The following MLLT3 variants were observed in gnomAD, a reference collection of about 807,000 sequenced individuals.
MLLT3 encodes protein AF-9.
Under a neutral mutation model 53.2 loss-of-function variants are expected in MLLT3, and 4 were observed. That is an observed-to-expected ratio of 0.08 (90% confidence interval 0.04 to 0.17). MLLT3 has a LOEUF of 0.17. MLLT3 is among the 10% of genes least tolerant of loss of function. MLLT3 has a pLI of 1.00. For missense variants in MLLT3, 569 were observed against 684.0 expected, an observed-to-expected ratio of 0.83 and a Z score of 1.87; for synonymous variants, 283 against 230.6, an observed-to-expected ratio of 1.23 and a Z score of -2.06.
intron 4 of MLLT3, among the ~76,000 whole-genome samples, chr9:20,431,678 C>G (rs191763591): frequency 1.3e-5 from 2 of 152,092 alleles, no homozygotes; most frequent in African/African-American, 4.8e-5. Context: ...CATGGGTATA[C>G]TAGACATATG....
At chr9:20,519,128 A>T (rs1817990710) in intron 2 of MLLT3, among the ~76,000 whole-genome samples, 1 of 152,226 alleles carries the variant, frequency 6.6e-6, no homozygotes, top group Non-Finnish European at 1.5e-5. Flanking sequence ...TAAAATAAAT[A>T]TTTGCTAAAT....
At chr9:20,525,250 A>G (rs1245086685) in intron 2 of MLLT3, among the ~76,000 whole-genome samples, 1 of 152,026 alleles carries the variant, frequency 6.6e-6, no homozygotes. Context: ...TAATCCCAGC[A>G]CTTTGGGAGG....
chr9:20,614,399 T>C (rs1462294356), intron 2 of MLLT3, among the ~76,000 whole-genome samples: 1 of 100,164 alleles, frequency 1.0e-5, no homozygotes, highest in Non-Finnish European at 1.9e-5. Context: ...TGTCCCAAAA[T>C]GAAAGAAGGA....
chr9:20,619,552 A>T (rs1253289661), intron 2 of MLLT3, among the ~76,000 whole-genome samples: 2 of 152,262 alleles, frequency 1.3e-5, no homozygotes, highest in African/African-American at 4.8e-5. Flanking sequence ...CTAGATGCCA[A>T]TAAAGATTAC....
intron 2 of MLLT3, among the ~76,000 whole-genome samples, chr9:20,467,421 T>C (rs1824263953): frequency 6.6e-6 from 1 of 152,054 alleles, no homozygotes; most frequent in Non-Finnish European, 1.5e-5. Context: ...CTACTAAAAA[T>C]ACAAAAATTA....
intron 5 of MLLT3, among the ~76,000 whole-genome samples, chr9:20,380,647 C>A (rs867796203): frequency 1.9e-4 from 29 of 151,962 alleles, no homozygotes; most frequent in African/African-American, 6.3e-4. Context: ...GTAAAGGCTG[C>A]TTATTACCTT....
chr9:20,456,678 A>G (rs760960064), intron 3 of MLLT3, 26 bp downstream of exon 3: 4 of 1,521,240 alleles, frequency 2.6e-6, no homozygotes, highest in Admixed American at 3.4e-5. Flanking sequence ...CGTCTACTGA[A>G]AGATTAATGG....
chr9:20,538,900 T>C (rs1429695498), intron 2 of MLLT3, among the ~76,000 whole-genome samples: 2 of 151,540 alleles, frequency 1.3e-5, no homozygotes, highest in African/African-American at 4.8e-5. Flanking sequence ...GTTTATACTA[T>C]AATATAATAT....
intron 2 of MLLT3, among the ~76,000 whole-genome samples, chr9:20,575,014 A>G (rs184373473): frequency 1.1e-3 from 172 of 152,324 alleles, no homozygotes; most frequent in African/African-American, 3.6e-3. Context: ...TGGCTCTTCC[A>G]TAAGAAGCAA....
chr9:20,610,650 A>G (rs1426741020), intron 2 of MLLT3, among the ~76,000 whole-genome samples: 1 of 152,166 alleles, frequency 6.6e-6, no homozygotes, highest in Admixed American at 6.5e-5. Flanking sequence ...TAGTATCTAC[A>G]GTGATAACAT....
At chr9:20,515,069 C>T (rs889493547) in intron 2 of MLLT3, among the ~76,000 whole-genome samples, 2 of 151,576 alleles carry the variant, frequency 1.3e-5, no homozygotes, top group African/African-American at 4.9e-5. Context: ...GCCTCAGCCT[C>T]CCTAGTAGAT....
At chr9:20,587,688 GT>G (rs1313662843) in intron 2 of MLLT3, among the ~76,000 whole-genome samples, 2 of 152,010 alleles carry the variant, frequency 1.3e-5, no homozygotes, top group Non-Finnish European at 2.9e-5. Flanking sequence ...TGATGGGGTT[GT>G]TTGTTTTTTT....
At chr9:20,540,373 A>T (rs1358047367) in intron 2 of MLLT3, among the ~76,000 whole-genome samples, 1 of 152,224 alleles carries the variant, frequency 6.6e-6, no homozygotes, top group Admixed American at 6.5e-5. Flanking sequence ...CCACCCTTCC[A>T]GCAGACTTCT....
chr9:20,403,559 A>C (rs1307337360), intron 5 of MLLT3, among the ~76,000 whole-genome samples: 1 of 152,162 alleles, frequency 6.6e-6, no homozygotes, highest in Non-Finnish European at 1.5e-5. Flanking sequence ...AAGTCTCTGA[A>C]AGTTGATAGA....
At chr9:20,415,755 G>C (rs1822855322) in intron 4 of MLLT3, among the ~76,000 whole-genome samples, 1 of 151,114 alleles carries the variant, frequency 6.6e-6, no homozygotes, top group African/African-American at 2.4e-5. Flanking sequence ...CTACTTATTG[G>C]GTATATGCAA....
intron 5 of MLLT3, among the ~76,000 whole-genome samples, chr9:20,408,464 G>A (rs550639118): frequency 1.9e-4 from 29 of 152,120 alleles, no homozygotes; most frequent in South Asian, 1.0e-3. Context: ...CTTTTGTCTG[G>A]TAATTTCAAT....
At chr9:20,615,555 A>C (rs1367483054) in intron 2 of MLLT3, among the ~76,000 whole-genome samples, 1 of 152,032 alleles carries the variant, frequency 6.6e-6, no homozygotes, top group Non-Finnish European at 1.5e-5. Flanking sequence ...ATAAGTTTTT[A>C]TTAGCAACAA....
At chr9:20,460,851 T>C (rs1283023111) in intron 2 of MLLT3, among the ~76,000 whole-genome samples, 1 of 152,198 alleles carries the variant, frequency 6.6e-6, no homozygotes, top group Non-Finnish European at 1.5e-5. Context: ...TTTTAAAAAA[T>C]TGGCACAGGT....
intron 5 of MLLT3, chr9:20,411,356 G>A (rs16938058): frequency 0.086 from 13,201 of 152,916 alleles, 1,215 homozygotes; most frequent in African/African-American, 0.22. Context: ...TTTGCTCATA[G>A]AAAGGCCTTT....
Sources: gnomAD v4.1 joint callset for allele counts (sites outside exome capture counted in the v4.1 genomes callset) on GRCh38, gnomAD v4.1.1 for gene constraint, MANE v1.5 for transcripts, NCBI Gene and HGNC (gene_info 2026-07-23, HGNC 2026-07-21) for gene names.